ZAN: variants seen among roughly 807,000 people sequenced by gnomAD.
The protein encoded by ZAN is zonadhesin (gene/pseudogene).
In ZAN, 260 loss-of-function variants were observed where a neutral mutation model predicts 286.2. The observed-to-expected ratio is 0.91, with a 90% confidence interval of 0.82 to 1.01. The LOEUF (loss-of-function observed/expected upper bound fraction) is 1.01. Among genes scored for constraint, ZAN ranks in the 50% least tolerant of loss-of-function variants. ZAN has a pLI of 0.00. For synonymous variants in ZAN, 1,368 were observed against 1,417.5 expected (o/e 0.97, Z 0.79); for missense variants, 3,410 against 3,639.2 (o/e 0.94, Z 1.62).
chr7:100,739,000 T>TCTC (rs757099639), intron 7 of ZAN, among the ~76,000 whole-genome samples: 635 of 57,164 alleles, frequency 0.011, 130 homozygotes, highest in African/African-American at 0.025. Context: ...TCCTTCTCCT[T>TCTC]CTCCTTCTTC....
intron 23 of ZAN, 48 bp from the exon 24 acceptor site, chr7:100,766,477 C>T: frequency 6.6e-7 from 1 of 1,504,206 alleles, no homozygotes; most frequent in Non-Finnish European, 8.9e-7. Flanking sequence ...AAAAACAAAA[C>T]AAAGCAAAAA....
Position 100,776,318 on chromosome 7 carries a change from AAGGG to A in ZAN, c.6193-98_6193-95del, listed in dbSNP as rs3991185. ...GGGTGACAAGAGTGAAACTTGAAGG[AAGGG>A]AGGGAGGGAGGGAGGGAGGGAGGAA... On this transcript the variant is annotated intron_variant, in intron 33 of 47. Transcript: ENST00000613979. The A allele has an allele frequency of 1.1e-3, 1,374 of 1,267,892 alleles. 6 individuals are homozygous for A. Among genetic ancestry groups the A allele is most frequent in the South Asian group, 3.3e-3 (217 of 65,502 alleles). The allele number at this position is 1,267,892 out of a possible 1,614,324, so 78.5% of individuals were successfully genotyped here. A position where few individuals can be genotyped will look rare whatever the true frequency, so the allele number is the denominator to read the frequency against.
At chr7:100,772,158 A>G (rs2116114150) in intron 29 of ZAN, 138 bp downstream of exon 29, 2 of 1,127,478 alleles carry the variant, frequency 1.8e-6, no homozygotes, top group Non-Finnish European at 2.4e-6. Flanking sequence ...CAGTGGCGCA[A>G]TCTCGGCTCA....
intron 31 of ZAN, 141 bp from the exon 32 acceptor site, chr7:100,775,187 A>T: frequency 7.8e-7 from 1 of 1,284,888 alleles, no homozygotes; most frequent in Non-Finnish European, 1.0e-6. Flanking sequence ...TGCTGGGATT[A>T]CAGGCATGAG....
chr7:100,767,790 CT>C, intron 25 of ZAN, 40 bp from the exon 26 acceptor site: 1 of 1,586,072 alleles, frequency 6.3e-7, no homozygotes, highest in Non-Finnish European at 8.6e-7. Context: ...ATCCCGAGTT[CT>C]TTCCTGACTC....
At position 100,760,535 on chromosome 7, in the gene ZAN, A is replaced by G. The variant is rs200988256; in HGVS notation, c.3841A>G (p.Ser1281Gly). The change falls in exon 19 of 48, where the codon AGC becomes GGC. Residue 1281 changes from serine (S) to glycine (G), a missense_variant and splice_region_variant. Physicochemically the swap from Ser to Gly is moderately conservative, Grantham distance 56. Around this residue, in one of 7 missense-constraint regions of ZAN, gnomAD observed 1,042 missense variants for 1,058.0 expected, o/e 0.98. Transcript: ENST00000613979. ...GDQQLYVTVS[S>G]TYSGKLCGLC... ...CCAGCAGCTGTATGTTACTGTGTCCAGGTAAGGCAGTGTCCCAGCCAGGCA... is the reference window on the plus strand; with the variant it reads ...CCAGCAGCTGTATGTTACTGTGTCCGGGTAAGGCAGTGTCCCAGCCAGGCA... 422 of 1,613,596 alleles carry G rather than the reference A, an allele frequency of 2.6e-4. 1 individual carries two copies. The Middle Eastern group carries it at 0.011, about 41-fold the overall frequency.
At chr7:100,768,573 GC>G in intron 26 of ZAN, 36 bp from the exon 27 acceptor site, 1 of 1,540,756 alleles carries the variant, frequency 6.5e-7, no homozygotes, top group Non-Finnish European at 8.8e-7. Context: ...CTGCTGGGGG[GC>G]CCCTTCTTGC....
intron 42 of ZAN, 128 bp downstream of exon 42, chr7:100,792,607 T>G: frequency 6.7e-7 from 1 of 1,500,482 alleles, no homozygotes; most frequent in Non-Finnish European, 8.9e-7. Context: ...TGCTGAACGC[T>G]CTTCCCACCA....
rs762589843 is a variant in ZAN at position 100,736,953 on chromosome 7, G to GGCT, written c.408_410dup (p.Leu137dup). The GGCT allele has an allele frequency of 4.0e-6, 6 of 1,503,936 alleles. 2 individuals carry two copies. The highest frequency in any genetic ancestry group is 3.5e-5 in the South Asian group (3 of 86,374). 93.2% of individuals were successfully genotyped at this position (1,503,936 alleles called of 1,614,324 possible). On this transcript the variant is annotated inframe_insertion, in exon 5 of 48. Transcript: ENST00000613979. ...GGGCTGTCTTGGGGCGCCCAGCTCAGGCTGCTGCTGCTCTCGGGTGAAGAG... is the reference window on the plus strand; with the variant it reads ...GGGCTGTCTTGGGGCGCCCAGCTCAGGCTGCTGCTGCTGCTCTCGGGTGAAGAG...
At chr7:100,767,770 C>T in intron 25 of ZAN, 61 bp from the exon 26 acceptor site, 1 of 1,551,926 alleles carries the variant, frequency 6.4e-7, no homozygotes, top group Non-Finnish European at 8.7e-7. Flanking sequence ...GAGCCCCCGT[C>T]CTTGCCTTTA....
intron 35 of ZAN, among the ~76,000 whole-genome samples, chr7:100,781,673 G>A (rs1811206115): frequency 7.9e-6 from 1 of 126,682 alleles, no homozygotes; most frequent in Non-Finnish European, 1.7e-5. Flanking sequence ...TTTTTTTTGA[G>A]TCTCACTTTG....
In ZAN at chr7:100,797,480, G is replaced by A. The variant is rs1343285340; in HGVS notation, c.8366+15G>A. The A allele has an allele frequency of 2.5e-6, 4 of 1,613,802 alleles. No homozygotes were observed. Among genetic ancestry groups the A allele is most frequent in the Non-Finnish European group, 3.4e-6 (4 of 1,179,846 alleles). On this transcript the variant is annotated intron_variant, in intron 46 of 47. Transcript: ENST00000613979. Reference sequence around the variant, plus strand: ...AGGAGGAAGAGGTGAGTCCTGGGAAGGAGAGAGGAAGGGCGGGTGGGGTGT... The same window carrying A: ...AGGAGGAAGAGGTGAGTCCTGGGAAAGAGAGAGGAAGGGCGGGTGGGGTGT...
rs1364548970 is a variant in ZAN at position 100,736,226 on chromosome 7, C to T, written c.107-257C>T. Among the ~76,000 whole-genome samples, 2 of 142,266 alleles carry T rather than the reference C, an allele frequency of 1.4e-5. 1 individual carries two copies. The highest frequency in any genetic ancestry group is 5.1e-5 in the African/African-American group (2 of 39,006). 93.3% of individuals were successfully genotyped at this position (142,266 alleles called of 152,430 possible). A position where few individuals can be genotyped will look rare whatever the true frequency, so the allele number is the denominator to read the frequency against. ...AGCTTTCTTTTTCTTTTCTTTGAGA[C>T]GGAGTCTCCCTCTGTCCCTCAGGCT... On this transcript the variant is annotated intron_variant, in intron 3 of 47. Transcript: ENST00000613979.
rs1807305392 is a variant in ZAN at position 100,736,562 on chromosome 7, C to G, written c.186C>G (p.Asp62Glu). The change falls in exon 4 of 48, where the codon GAC becomes GAG. Residue 62 changes from aspartate (D) to glutamate (E), a missense_variant. This residue lies in a region of ZAN where 872 missense variants were observed against 938.9 expected (regional missense o/e 0.93). Coordinates refer to ENST00000613979, the MANE Select transcript of ZAN (RefSeq NM_003386.3). ...DWSQVSADDE[D>E]WVRASGPSPT... ...CCCAAGTGTCCGCAGACGATGAAGA[C>G]TGGGTTCGAGCCAGTGGGCCCTCTC... 6.6e-7 allele frequency: 1 copy of G among 1,523,512 alleles called. No individual in the cohort carries two copies. The highest frequency in any genetic ancestry group is 9.0e-7 in the Non-Finnish European group (1 of 1,107,722). The allele number at this position is 1,523,512 out of a possible 1,614,324, so 94.4% of individuals were successfully genotyped here.
In ZAN at chr7:100,760,424, C is replaced by T. The variant is rs759621214; in HGVS notation, c.3730C>T (p.Pro1244Ser). Residue 1244 changes from proline to serine, a missense_variant, in exon 19 of 48, where the codon CCC becomes TCC. Pro to Ser is a moderately conservative substitution (Grantham distance 74). Coordinates refer to ENST00000613979, the MANE Select transcript of ZAN (RefSeq NM_003386.3). Reference protein sequence around the residue: ...GGQQVTLPAIPSKGVFLGASG... With the variant: ...GGQQVTLPAISSKGVFLGASG... ...TCAGCAAGTTACTCTCCCAGCCATA[C>T]CCTCTAAAGGCGTCTTCCTGGGTGC... 7.4e-6 allele frequency: 12 copies of T among 1,613,828 alleles called. No homozygotes were observed. In the East Asian group the frequency reaches 2.2e-4, roughly 30 times the overall value.
intron 35 of ZAN, among the ~76,000 whole-genome samples, chr7:100,780,779 T>C (rs749635967): frequency 6.6e-6 from 1 of 152,018 alleles, no homozygotes; most frequent in Non-Finnish European, 1.5e-5. Flanking sequence ...TATTTATGCA[T>C]ATATAAACAA....
Position 100,794,100 on chromosome 7 carries a change from C to T in ZAN, c.7987-20C>T. ...AGGGATGGAACTGGAACGTCTCCTC[C>T]TGGCCCTTCCCCTTTCTAGCTGGGC... On this transcript the variant is annotated intron_variant, in intron 43 of 47. Coordinates refer to ENST00000613979, the MANE Select transcript of ZAN (RefSeq NM_003386.3). 6.2e-7 allele frequency: 1 copy of T among 1,613,924 alleles called. No individual in the cohort carries two copies.
chr7:100,734,895 C>T lies in ZAN; in HGVS notation c.53+674C>T, dbSNP rs974906920. Among the ~76,000 whole-genome samples the T allele has an allele frequency of 1.5e-4, 21 of 140,832 alleles. 1 individual carries two copies. The highest frequency in any genetic ancestry group is 7.8e-4 in the Admixed American group (11 of 14,110). The allele number at this position is 140,832 out of a possible 152,430, so 92.4% of individuals were successfully genotyped here. On this transcript the variant is annotated intron_variant, in intron 2 of 47. Transcript: ENST00000613979. ...TAAGTACGAGGCAGCAAAGAAATGA[C>T]GGATGACAGGCCAAGCGCGGCGGCT...
intron 11 of ZAN, among the ~76,000 whole-genome samples, chr7:100,749,822 G>T (rs531075261): frequency 6.6e-6 from 1 of 150,856 alleles, no homozygotes; most frequent in Non-Finnish European, 1.5e-5. Context: ...AGGCTGAGAC[G>T]GGTGGATCAC....
Sources: gnomAD v4.1 joint callset for allele counts (sites outside exome capture counted in the v4.1 genomes callset) on GRCh38, gnomAD v4.1.1 for gene constraint, gnomAD v4.1.1 regional missense constraint, MANE v1.5 for transcripts, NCBI Gene and HGNC (gene_info 2026-07-23, HGNC 2026-07-21) for gene names.